Variants in FHIT observed in about 807,000 individuals in gnomAD.
The protein encoded by FHIT is bis(5'-adenosyl)-triphosphatase.
A neutral mutation model predicts 17.9 loss-of-function variants in FHIT; 19 were observed. The observed-to-expected ratio is 1.06, with a 90% CI of 0.74 to 1.56. FHIT has a LOEUF of 1.56. Among genes scored for constraint, FHIT ranks in the 40% most tolerant of loss-of-function variants. The probability of loss-of-function intolerance (pLI) is 0.00; values close to 1 mark genes in which losing one functional copy is unlikely to be tolerated. For missense variants in FHIT, 248 were observed against 189.2 expected (o/e 1.31, Z -1.82); for synonymous variants, 81 against 69.7 (o/e 1.16, Z -0.81).
At chr3:60,616,715 A>C (rs2038962607) in intron 4 of FHIT, 1 of 152,238 alleles carries the variant, frequency 6.6e-6, no homozygotes, top group Non-Finnish European at 1.5e-5. Flanking sequence ...ATACGCAGAC[A>C]GGAAATCTCA....
At chr3:59,768,179 G>C (rs915971946) in intron 8 of FHIT, among the ~76,000 whole-genome samples, 3 of 152,130 alleles carry the variant, frequency 2.0e-5, no homozygotes, top group African/African-American at 7.2e-5. Context: ...AGCTTATATC[G>C]TGGGTTCTCT....
chr3:60,997,657 G>T (rs552642547), intron 3 of FHIT, among the ~76,000 whole-genome samples: 2 of 152,116 alleles, frequency 1.3e-5, no homozygotes, highest in Non-Finnish European at 2.9e-5. Context: ...TTACTGACCT[G>T]CAAGAAGTAA....
At chr3:60,278,933 G>T (rs140844525) in intron 5 of FHIT, among the ~76,000 whole-genome samples, 1 of 151,938 alleles carries the variant, frequency 6.6e-6, no homozygotes, top group Non-Finnish European at 1.5e-5. Context: ...TATCAAAAAA[G>T]AAGAAAGATC....
At chr3:61,063,517 A>G (rs1237762761) in intron 2 of FHIT, among the ~76,000 whole-genome samples, 1 of 152,152 alleles carries the variant, frequency 6.6e-6, no homozygotes, top group Non-Finnish European at 1.5e-5. Context: ...GGAAGGATGA[A>G]AGAGAAGGGT....
At chr3:60,165,692 C>G (rs1576235245) in intron 5 of FHIT, among the ~76,000 whole-genome samples, 1 of 152,302 alleles carries the variant, frequency 6.6e-6, no homozygotes, top group East Asian at 1.9e-4. Context: ...TCTGCCTCTT[C>G]TCCTCTCCTT....
chr3:60,652,909 C>CAAAA (rs1282577056), intron 4 of FHIT, among the ~76,000 whole-genome samples: 1 of 139,140 alleles, frequency 7.2e-6, no homozygotes, highest in Non-Finnish European at 1.5e-5. Flanking sequence ...AAGTTCATCT[C>CAAAA]AAACAAAACA....
chr3:60,024,947 A>T (rs779773756), intron 5 of FHIT, among the ~76,000 whole-genome samples: 2 of 152,218 alleles, frequency 1.3e-5, no homozygotes, highest in Non-Finnish European at 2.9e-5. Context: ...AGACTAGGTA[A>T]AAGATTCAAA....
intron 7 of FHIT, among the ~76,000 whole-genome samples, chr3:59,983,341 A>G (rs1708738531): frequency 6.6e-6 from 1 of 152,148 alleles, no homozygotes; most frequent in African/African-American, 2.4e-5. Context: ...CTACCTTCCT[A>G]TTGGCAGTTT....
chr3:59,856,017 G>A (rs535169126), intron 8 of FHIT, among the ~76,000 whole-genome samples: 7 of 152,142 alleles, frequency 4.6e-5, no homozygotes, highest in Admixed American at 6.5e-5. Context: ...TCCTGACTTC[G>A]TGATCCACCC....
intron 4 of FHIT, among the ~76,000 whole-genome samples, chr3:60,591,559 A>C (rs1553664279): frequency 6.6e-6 from 1 of 152,074 alleles, no homozygotes; most frequent in Non-Finnish European, 1.5e-5. Context: ...AATAACCAGC[A>C]TATGAAGCTG....
intron 1 of FHIT, among the ~76,000 whole-genome samples, chr3:61,223,364 C>T (rs13077540): frequency 6.6e-6 from 1 of 152,130 alleles, no homozygotes; most frequent in Non-Finnish European, 1.5e-5. Context: ...GACCAGATCC[C>T]CAGTTCCACC....
At chr3:60,624,117 A>G (rs1553679886) in intron 4 of FHIT, among the ~76,000 whole-genome samples, 1 of 152,224 alleles carries the variant, frequency 6.6e-6, no homozygotes, top group African/African-American at 2.4e-5. Flanking sequence ...CCAAAAGTTA[A>G]TGAGGAGAGC....
chr3:60,567,848 G>A lies in FHIT; in HGVS notation c.-17-30869C>T, dbSNP rs1307642532. ...AGACATTTATGCAGCCAAAAGACAC[G>A]TGAAAAAAACGCTCATCATCACTGG... On this transcript the variant is annotated intron_variant, in intron 4 of 9. Coordinates refer to ENST00000492590, the MANE Select transcript of FHIT (RefSeq NM_002012.4). Among the ~76,000 whole-genome samples the A allele has an allele frequency of 7.2e-5, 11 of 151,988 alleles. No individual in the cohort carries two copies. In the East Asian group the frequency reaches 1.5e-3, roughly 21 times the overall value.
At chr3:60,080,465 C>T (rs565504283) in intron 5 of FHIT, among the ~76,000 whole-genome samples, 2 of 152,136 alleles carry the variant, frequency 1.3e-5, no homozygotes, top group African/African-American at 2.4e-5. Flanking sequence ...CCCTACTTAG[C>T]TGCAAGTAAA....
chr3:60,003,615 C>G (rs55659096), intron 7 of FHIT, among the ~76,000 whole-genome samples: 5,194 of 152,130 alleles, frequency 0.034, 134 homozygotes, highest in East Asian at 0.074. Flanking sequence ...CATGGTGGCT[C>G]GGGCCTGTAG....
chr3:60,431,269 T>C lies in FHIT; in HGVS notation c.103+105591A>G, dbSNP rs547731541. Among the ~76,000 whole-genome samples the C allele has an allele frequency of 1.2e-4, 18 of 152,106 alleles. No individual in the cohort carries two copies. The South Asian group carries it at 3.3e-3, about 28-fold the overall frequency. ...TTCATTCTATCCCTTACATGCAACA[T>C]TCTTGCTCCATCATTTCTTTTTATG... On this transcript the variant is annotated intron_variant, in intron 5 of 9. Transcript: ENST00000492590.
chr3:60,173,276 A>C (rs1320627710), intron 5 of FHIT, among the ~76,000 whole-genome samples: 1 of 152,178 alleles, frequency 6.6e-6, no homozygotes, highest in African/African-American at 2.4e-5. Flanking sequence ...TCCATCAGGC[A>C]CACCTGGGAA....
chr3:60,791,519 A>G (rs1700775775), intron 4 of FHIT, among the ~76,000 whole-genome samples: 1 of 152,230 alleles, frequency 6.6e-6, no homozygotes, highest in African/African-American at 2.4e-5. Flanking sequence ...TTTCACATCA[A>G]CAATGAACCA....
At chr3:60,599,192 T>C (rs1208515386) in intron 4 of FHIT, among the ~76,000 whole-genome samples, 2 of 152,150 alleles carry the variant, frequency 1.3e-5, no homozygotes, top group Non-Finnish European at 2.9e-5. Context: ...TACTCTGTAA[T>C]AACTTGCATT....
Sources: gnomAD v4.1 joint callset for allele counts (sites outside exome capture counted in the v4.1 genomes callset) on GRCh38, gnomAD v4.1.1 for gene constraint, MANE v1.5 for transcripts, NCBI Gene and HGNC (gene_info 2026-07-23, HGNC 2026-07-21) for gene names.